RBPMS: variants seen among roughly 807,000 people sequenced by gnomAD.
RBPMS encodes RNA-binding protein with multiple splicing.
In RBPMS, 7 loss-of-function variants were observed where a neutral mutation model predicts 26.8. The observed-to-expected ratio is 0.26, with a 90% CI of 0.15 to 0.49. RBPMS has a LOEUF of 0.49. Among genes scored for constraint, RBPMS ranks in the 20% least tolerant of loss-of-function variants. RBPMS has a pLI of 0.98. For missense variants in RBPMS, 186 were observed against 250.0 expected (o/e 0.74, Z 1.73); for synonymous variants, 96 against 93.3 (o/e 1.03, Z -0.17).
At chr8:30,475,002 G>A in intron 2 of RBPMS, 146 bp downstream of exon 2, 2 of 617,044 alleles carry the variant, frequency 3.2e-6, no homozygotes, top group Admixed American at 5.7e-5. Context: ...TAACAACTGA[G>A]TTCTAATGTA....
intron 5 of RBPMS, among the ~76,000 whole-genome samples, chr8:30,516,395 G>GA (rs72433552): frequency 0.25 from 37,268 of 151,908 alleles, 4,920 homozygotes; most frequent in East Asian, 0.4. Context: ...TCTCAAAAAA[G>GA]AAAAAACACC....
chr8:30,423,723 TGGG>T (rs1811057887), intron 1 of RBPMS, among the ~76,000 whole-genome samples: 1 of 152,110 alleles, frequency 6.6e-6, no homozygotes, highest in Non-Finnish European at 1.5e-5. Context: ...AGTAGTCACA[TGGG>T]TCCCTTGCCA....
At chr8:30,556,508 CCCCCT>C (rs1426844582) in intron 6 of RBPMS, 7 of 986,090 alleles carry the variant, frequency 7.1e-6, no homozygotes, top group Non-Finnish European at 8.4e-6. Context: ...GGGCAGCCCT[CCCCCT>C]CCTGTGTCTC....
intron 1 of RBPMS, among the ~76,000 whole-genome samples, chr8:30,429,640 C>T (rs1811716849): frequency 6.6e-6 from 1 of 152,132 alleles, no homozygotes; most frequent in Non-Finnish European, 1.5e-5. Context: ...TGTTAAGTCA[C>T]CCAGCAAAAT....
chr8:30,497,598 GT>G (rs768729903), intron 4 of RBPMS, among the ~76,000 whole-genome samples: 2 of 151,336 alleles, frequency 1.3e-5, no homozygotes, highest in Non-Finnish European at 3.0e-5. Context: ...CTAGAAAATG[GT>G]TTTTTTTGTT....
At chr8:30,450,787 CAAAAAAAA>C (rs59577795) in intron 1 of RBPMS, among the ~76,000 whole-genome samples, 19 of 87,376 alleles carry the variant, frequency 2.2e-4, no homozygotes, top group South Asian at 1.6e-3. Flanking sequence ...TGCCTGAAAG[CAAAAAAAA>C]AAAAAAAAAA....
intron 1 of RBPMS, among the ~76,000 whole-genome samples, chr8:30,449,283 A>G (rs1814252747): frequency 6.6e-6 from 1 of 151,472 alleles, no homozygotes; most frequent in Non-Finnish European, 1.5e-5. Flanking sequence ...ACTTAGTCTT[A>G]TGTTCAGATA....
intron 5 of RBPMS, 143 bp from the exon 6 acceptor site, chr8:30,544,351 C>T (rs975905463): frequency 5.9e-6 from 5 of 845,172 alleles, no homozygotes; most frequent in Non-Finnish European, 9.5e-6. Flanking sequence ...GGACCAAAGC[C>T]AACAAACAAC....
At chr8:30,422,500 C>T (rs1810909996) in intron 1 of RBPMS, among the ~76,000 whole-genome samples, 1 of 152,088 alleles carries the variant, frequency 6.6e-6, no homozygotes, top group African/African-American at 2.4e-5. Context: ...AACTCCTGGG[C>T]TTAAGCAGTC....
At position 30,571,033 on chromosome 8, in the gene RBPMS, T is replaced by C. The variant is rs564469216; in HGVS notation, c.*508T>C. The C allele has an allele frequency of 2.0e-5, 3 of 152,284 alleles. No homozygotes were observed. Among genetic ancestry groups the C allele is most frequent in the Non-Finnish European group, 4.4e-5 (3 of 68,028 alleles). 9.4% of individuals were successfully genotyped at this position (152,284 alleles called of 1,614,324 possible). On this transcript the variant is annotated 3_prime_UTR_variant, in exon 9 of 9. Transcript: ENST00000397323. ...GTTTGAGGCATGTTTCCAAATATTA[T>C]CAAAATATCCTGAATTGTATTGTGA...
chr8:30,541,061 A>G (rs1483547262), intron 5 of RBPMS, among the ~76,000 whole-genome samples: 2 of 152,192 alleles, frequency 1.3e-5, no homozygotes, highest in African/African-American at 4.8e-5. Context: ...AAAAGTTCTT[A>G]AACCTTGTGT....
At chr8:30,569,887 T>TA (rs975927660) in intron 8 of RBPMS, among the ~76,000 whole-genome samples, 1 of 152,162 alleles carries the variant, frequency 6.6e-6, no homozygotes, top group Admixed American at 6.5e-5. Context: ...TGCCACAACC[T>TA]AAAGAGACAG....
chr8:30,544,770 G>A, intron 6 of RBPMS, 146 bp downstream of exon 6: 2 of 1,595,358 alleles, frequency 1.3e-6, no homozygotes, highest in Non-Finnish European at 1.7e-6. Context: ...AAATCAAGCT[G>A]ACACTCCTTC....
rs566616601 is a variant in RBPMS, at chr8:30,477,946, G to A, written c.183+109G>A. 1.7e-5 allele frequency: 13 copies of A among 754,958 alleles called. No individual in the cohort carries two copies. The African/African-American group carries it at 2.3e-4, about 13-fold the overall frequency. 46.8% of individuals were successfully genotyped at this position (754,958 alleles called of 1,614,324 possible). On this transcript the variant is annotated intron_variant, in intron 3 of 8. Coordinates refer to ENST00000397323, the MANE Select transcript of RBPMS (RefSeq NM_001008710.3). ...CCCATTAGAATTTGAGGGGTTTTTT[G>A]TCTTTAAAATTAAAAGTGAGATGTA...
At chr8:30,568,119 AT>A (rs780632164) in intron 8 of RBPMS, among the ~76,000 whole-genome samples, 23 of 152,212 alleles carry the variant, frequency 1.5e-4, no homozygotes, top group Admixed American at 5.2e-4. Context: ...ACAAATTAAT[AT>A]CAGTACCTGA....
chr8:30,536,610 A>G (rs899537013), intron 5 of RBPMS, among the ~76,000 whole-genome samples: 5 of 152,224 alleles, frequency 3.3e-5, no homozygotes, highest in Non-Finnish European at 7.3e-5. Context: ...AAGTTATACT[A>G]AAACACTGTT....
chr8:30,555,377 A>C (rs748420853), intron 6 of RBPMS, among the ~76,000 whole-genome samples: 1 of 152,222 alleles, frequency 6.6e-6, no homozygotes, highest in African/African-American at 2.4e-5. Context: ...GAAGATTCCC[A>C]GGGTCGTCCA....
At chr8:30,552,129 A>G (rs1826434235) in intron 6 of RBPMS, among the ~76,000 whole-genome samples, 1 of 152,162 alleles carries the variant, frequency 6.6e-6, no homozygotes, top group South Asian at 2.1e-4. Flanking sequence ...GAGAAACACC[A>G]GAGCCAGGGT....
intron 5 of RBPMS, among the ~76,000 whole-genome samples, chr8:30,534,128 C>CAAAA (rs71937602): frequency 6.9e-6 from 1 of 144,700 alleles, no homozygotes; most frequent in African/African-American, 2.6e-5. Context: ...ACGAGACTCT[C>CAAAA]AAAAAAAAAA....
Sources: gnomAD v4.1 joint callset for allele counts (sites outside exome capture counted in the v4.1 genomes callset) on GRCh38, gnomAD v4.1.1 for gene constraint, MANE v1.5 for transcripts, NCBI Gene and HGNC (gene_info 2026-07-23, HGNC 2026-07-21) for gene names.